Variants in CDC42 observed in about 807,000 individuals in gnomAD.
CDC42 encodes cell division control protein 42 homolog.
Under a neutral mutation model 20.8 loss-of-function variants are expected in CDC42, and 1 was observed. That is an observed-to-expected ratio of 0.05 (90% confidence interval 0.02 to 0.23). The LOEUF (loss-of-function observed/expected upper bound fraction) is 0.23. Among genes scored for constraint, CDC42 ranks in the 10% least tolerant of loss-of-function variants. The pLI, the probability that CDC42 is intolerant of heterozygous loss-of-function variation, is 1.00. For synonymous variants in CDC42, 72 were observed against 84.8 expected (o/e 0.85, Z 0.83); for missense variants, 49 against 227.9 (o/e 0.21, Z 5.05).
Position 22,094,161 on chromosome 1 carries a change from T to C in CDC42, c.*2644T>C, listed in dbSNP as rs1179428521. Among the ~76,000 whole-genome samples the C allele has an allele frequency of 1.3e-5, 2 of 151,974 alleles. No individual in the cohort carries two copies. The highest frequency in any genetic ancestry group is 4.8e-5 in the African/African-American group (2 of 41,358). ...GGTGAGTGATATTCTCCAGGGAGTA[T>C]GATTTAGAGGCTGGAAAGGGTTATT... On this transcript the variant is annotated 3_prime_UTR_variant, in exon 6 of 6. Coordinates refer to ENST00000656825, the MANE Select transcript of CDC42 (RefSeq NM_001791.4).
rs772606537 is a variant in CDC42 at position 22,086,485 on chromosome 1, A to G, written c.225A>G (p.Thr75=). The G allele has an allele frequency of 1.2e-6, 2 of 1,608,784 alleles. No individual in the cohort carries two copies. The highest frequency in any genetic ancestry group is 1.7e-6 in the Non-Finnish European group (2 of 1,175,804). Residue 75 remains threonine (T), a synonymous_variant, in exon 4 of 6, where the codon ACA becomes ACG. Transcript: ENST00000656825. ...TACGACCGCTGAGTTATCCACAAACAGATGTATTTCTAGTCTGTTTTTCAG... is the reference window on the plus strand; with the variant it reads ...TACGACCGCTGAGTTATCCACAAACGGATGTATTTCTAGTCTGTTTTTCAG... The part of the protein sequence containing the change: ...DRLRPLSYPQ[T]DVFLVCFSVV...
rs1378356674 is a variant in CDC42 at position 22,096,103 on chromosome 1, G to A, written c.*4586G>A. 1.3e-5 allele frequency among the ~76,000 whole-genome samples: 2 copies of A among 152,072 alleles called. No homozygotes were observed. The highest frequency in any genetic ancestry group is 2.1e-4 in the South Asian group (1 of 4,816). On this transcript the variant is annotated 3_prime_UTR_variant, in exon 6 of 6. Coordinates refer to ENST00000656825, the MANE Select transcript of CDC42 (RefSeq NM_001791.4). ...GCCTCCTGAGTAGCTGGGATTACAG[G>A]TGTCTGCCACTGCGCCCGGCTAATT...
At position 22,094,524 on chromosome 1, in the gene CDC42, C is replaced by T. The variant is rs963017186; in HGVS notation, c.*3007C>T. ...GTGTTAGCCAGAATGGTCTCGATCT[C>T]CTGACCTCGTGATCCGCCCGCCTCG... On this transcript the variant is annotated 3_prime_UTR_variant, in exon 6 of 6. Coordinates refer to ENST00000656825, the MANE Select transcript of CDC42 (RefSeq NM_001791.4). Among the ~76,000 whole-genome samples, 4 of 147,780 alleles carry T rather than the reference C, an allele frequency of 2.7e-5. No individual in the cohort carries two copies. The highest frequency in any genetic ancestry group is 2.0e-4 in the East Asian group (1 of 5,120).
chr1:22,095,927 A>T lies in CDC42; in HGVS notation c.*4410A>T, dbSNP rs1645755340. Reference sequence around the variant, plus strand: ...ATATAGCCGATCCCAAGTCAGTGCTATTCATTCATTTTTTTAAAAAAATTT... The same window carrying T: ...ATATAGCCGATCCCAAGTCAGTGCTTTTCATTCATTTTTTTAAAAAAATTT... On this transcript the variant is annotated 3_prime_UTR_variant, in exon 6 of 6. Coordinates refer to ENST00000656825, the MANE Select transcript of CDC42 (RefSeq NM_001791.4). 6.6e-6 allele frequency among the ~76,000 whole-genome samples: 1 copy of T among 152,078 alleles called. No individual in the cohort carries two copies. The highest frequency in any genetic ancestry group is 1.5e-5 in the Non-Finnish European group (1 of 68,028).
rs1557910832 is a variant in CDC42, at chr1:22,094,293, G to GGTTTTTTTTTTTTTT, written c.*2776_*2777insGTTTTTTTTTTTTTT. Among the ~76,000 whole-genome samples the GGTTTTTTTTTTTTTT allele has an allele frequency of 7.2e-5, 2 of 27,696 alleles. No individual in the cohort carries two copies. The highest frequency in any genetic ancestry group is 2.3e-4 in the African/African-American group (1 of 4,430). The allele number at this position is 27,696 out of a possible 152,430, so 18.2% of individuals were successfully genotyped here. On this transcript the variant is annotated 3_prime_UTR_variant, in exon 6 of 6. Transcript: ENST00000656825. ...TGTTTTACTGAACATCCTAGAAATA[G>GGTTTTTTTTTTTTTT]ATTTTTTTTTTTTTTTTTTTTTGAG...
rs1645722671 is a variant in CDC42 at position 22,091,913 on chromosome 1, C to G, written c.*396C>G. On this transcript the variant is annotated 3_prime_UTR_variant, in exon 6 of 6. Transcript: ENST00000656825. ...TTCCACTCTGGAGAGTAATCTGGGACATCTTAGTGTTTTGTTTTGTTTTTT... is the reference window on the plus strand; with the variant it reads ...TTCCACTCTGGAGAGTAATCTGGGAGATCTTAGTGTTTTGTTTTGTTTTTT... 1 of 152,292 alleles carries G rather than the reference C, an allele frequency of 6.6e-6. No homozygotes were observed. 9.4% of individuals were successfully genotyped at this position (152,292 alleles called of 1,614,324 possible).
At chr1:22,073,760 C>T (rs1307911511) in intron 1 of CDC42, among the ~76,000 whole-genome samples, 3 of 152,010 alleles carry the variant, frequency 2.0e-5, no homozygotes, top group Non-Finnish European at 4.4e-5. Flanking sequence ...CTCAAGCAAT[C>T]CTCCCACCTC....
At chr1:22,090,399 ACAT>A (rs1403669451) in intron 5 of CDC42, 1 of 1,003,164 alleles carries the variant, frequency 1.0e-6, no homozygotes. Context: ...AGTAACACAA[ACAT>A]CATTTTACTC....
chr1:22,065,724 G>T (rs1173226154), intron 1 of CDC42, among the ~76,000 whole-genome samples: 3 of 141,950 alleles, frequency 2.1e-5, no homozygotes, highest in Non-Finnish European at 4.6e-5. Flanking sequence ...GTGGAGCTAA[G>T]ATTGGAACCC....
At chr1:22,069,463 A>G (rs961400501) in intron 1 of CDC42, among the ~76,000 whole-genome samples, 1 of 150,194 alleles carries the variant, frequency 6.7e-6, no homozygotes, top group Non-Finnish European at 1.5e-5. Context: ...GGCGTGAGCC[A>G]CCACGCTTGG....
chr1:22,053,041 C>A (rs1344597946), intron 1 of CDC42, among the ~76,000 whole-genome samples: 1 of 151,170 alleles, frequency 6.6e-6, no homozygotes, highest in Non-Finnish European at 1.5e-5. Context: ...CCGGCAGCGG[C>A]GGAAGGAAGG....
At chr1:22,076,931 T>C (rs955825401) in intron 1 of CDC42, among the ~76,000 whole-genome samples, 1 of 152,018 alleles carries the variant, frequency 6.6e-6, no homozygotes, top group Admixed American at 6.6e-5. Context: ...AGTGGATTGC[T>C]TGAGTCCAGG....
intron 1 of CDC42, among the ~76,000 whole-genome samples, chr1:22,076,847 A>G (rs1385781237): frequency 1.3e-5 from 2 of 152,118 alleles, no homozygotes; most frequent in African/African-American, 4.8e-5. Context: ...TTGAATAAAG[A>G]AGGATAAATA....
intron 1 of CDC42, among the ~76,000 whole-genome samples, chr1:22,062,334 C>G (rs1645375195): frequency 6.6e-6 from 1 of 152,148 alleles, no homozygotes; most frequent in Admixed American, 6.5e-5. Flanking sequence ...CAAAGAAAGT[C>G]TAAATAATCA....
At position 22,053,832 on chromosome 1, in the gene CDC42, G is replaced by A. The variant is rs374803737; in HGVS notation, c.-51+1090G>A. On this transcript the variant is annotated intron_variant, in intron 1 of 5. Coordinates refer to ENST00000656825, the MANE Select transcript of CDC42 (RefSeq NM_001791.4). Reference sequence around the variant, plus strand: ...TTCAGTGCACCTAAAAGCTAGGAAGGTTTAAAATCCCAGGATTAGTTTGTG... The same window carrying A: ...TTCAGTGCACCTAAAAGCTAGGAAGATTTAAAATCCCAGGATTAGTTTGTG... Among the ~76,000 whole-genome samples the A allele has an allele frequency of 5.3e-5, 8 of 152,168 alleles. No homozygotes were observed. In the South Asian group the frequency reaches 8.3e-4, roughly 16 times the overall value.
intron 2 of CDC42, 61 bp downstream of exon 2, chr1:22,078,644 A>G: frequency 3.8e-6 from 6 of 1,559,538 alleles, no homozygotes; most frequent in Non-Finnish European, 5.2e-6. Context: ...CCTTTTGAAA[A>G]CGCTTTCTCT....
chr1:22,067,557 C>T (rs1289401587), intron 1 of CDC42, among the ~76,000 whole-genome samples: 1 of 152,170 alleles, frequency 6.6e-6, no homozygotes, highest in Non-Finnish European at 1.5e-5. Flanking sequence ...GTTGGCCAGG[C>T]TGGTCTCGAA....
chr1:22,070,640 A>G (rs1645477180), intron 1 of CDC42, among the ~76,000 whole-genome samples: 1 of 150,792 alleles, frequency 6.6e-6, no homozygotes, highest in Non-Finnish European at 1.5e-5. Context: ...ATTTTTTTGT[A>G]TTTTTAACAG....
intron 1 of CDC42, among the ~76,000 whole-genome samples, chr1:22,061,086 C>CG (rs1349043916): frequency 6.6e-6 from 1 of 152,146 alleles, no homozygotes; most frequent in East Asian, 1.9e-4. Flanking sequence ...ATCTGAAAGA[C>CG]ATTTCCATGG....
Sources: gnomAD v4.1 joint callset for allele counts (sites outside exome capture counted in the v4.1 genomes callset) on GRCh38, gnomAD v4.1.1 for gene constraint, MANE v1.5 for transcripts, NCBI Gene and HGNC (gene_info 2026-07-23, HGNC 2026-07-21) for gene names.